Variants in ABCA1 observed in about 807,000 individuals in gnomAD.
The protein encoded by ABCA1 is ATP binding cassette subfamily A member 1, also known as phospholipid-transporting ATPase ABCA1.
In ABCA1, 133 loss-of-function variants were observed where a neutral mutation model predicts 262.5. That is an observed-to-expected ratio of 0.51 (90% CI 0.44 to 0.59). The LOEUF (loss-of-function observed/expected upper bound fraction) is 0.59. Ranked by LOEUF, ABCA1 falls within the 20% of genes least tolerant of loss-of-function variation. The pLI, the probability that ABCA1 is intolerant of heterozygous loss-of-function variation, is 0.00. For synonymous variants in ABCA1, 1,022 were observed against 1,043.5 expected (o/e 0.98, Z 0.40); for missense variants, 2,452 against 2,777.5 (o/e 0.88, Z 2.63).
intron 1 of ABCA1, among the ~76,000 whole-genome samples, chr9:104,909,607 TACACAC>T (rs59524252): frequency 0.044 from 5,925 of 133,982 alleles, 221 homozygotes; most frequent in African/African-American, 0.11. Flanking sequence ...GCAAAAGAAA[TACACAC>T]ACACACACAC....
chr9:104,787,069 T>G, intron 46 of ABCA1, 93 bp from the exon 47 acceptor site: 1 of 1,052,534 alleles, frequency 9.5e-7, no homozygotes. Flanking sequence ...TTGAAACAGC[T>G]TAAATTTTAA....
At chr9:104,895,543 T>A (rs1335155311) in intron 2 of ABCA1, among the ~76,000 whole-genome samples, 1 of 152,184 alleles carries the variant, frequency 6.6e-6, no homozygotes, top group Non-Finnish European at 1.5e-5. Context: ...CCGGCCCCGG[T>A]CGAGAACCAC....
chr9:104,847,643 A>C lies in ABCA1; in HGVS notation c.721-2074T>G, dbSNP rs556659184. On this transcript the variant is annotated intron_variant, in intron 7 of 49. Coordinates refer to ENST00000374736, the MANE Select transcript of ABCA1 (RefSeq NM_005502.4). ...CTTCCTCTGCTAGGCAGAGAGCTAG[A>C]GCTATCATCACACAGCATATCAGCC... Among the ~76,000 whole-genome samples the C allele has an allele frequency of 5.4e-4, 82 of 152,282 alleles. 1 individual carries two copies. The highest frequency in any genetic ancestry group is 1.8e-3 in the African/African-American group (76 of 41,548).
At chr9:104,891,384 AC>A (rs1172693250) in intron 2 of ABCA1, among the ~76,000 whole-genome samples, 1 of 151,600 alleles carries the variant, frequency 6.6e-6, no homozygotes, top group East Asian at 2.0e-4. Context: ...ACATGGTGAA[AC>A]CCCATCTCTA....
chr9:104,906,332 AC>A (rs757501530), intron 1 of ABCA1, among the ~76,000 whole-genome samples: 5 of 152,170 alleles, frequency 3.3e-5, no homozygotes, highest in African/African-American at 7.2e-5. Context: ...GGAAGAGAAG[AC>A]ACACCTCTAC....
intron 44 of ABCA1, 56 bp from the exon 45 acceptor site, chr9:104,788,623 G>C (rs1050721271): frequency 2.1e-5 from 34 of 1,592,226 alleles, no homozygotes; most frequent in Non-Finnish European, 2.7e-5. Context: ...ACTCTGGTTA[G>C]ACAATCTGGC....
rs371460659 is a variant in ABCA1 at position 104,814,442 on chromosome 9, C to A, written c.3772G>T (p.Asp1258Tyr). The change falls in exon 26 of 50, where the codon GAT becomes TAT. Residue 1258 changes from aspartate to tyrosine, a missense_variant. By Grantham distance (160) the Asp-to-Tyr change is radical (BLOSUM62 -3). This residue lies in a region of ABCA1 where 665 missense variants were observed against 727.3 expected (regional missense o/e 0.91). Coordinates refer to ENST00000374736, the MANE Select transcript of ABCA1 (RefSeq NM_005502.4). ...FLKVAEESGV[D>Y]AETSDGTLPA... Reference sequence around the variant, plus strand: ...AGGCAGTTACCTGAGGTCTCAGCATCCACCCCACTCTCTTCGGCCACCTTG... The same window carrying A: ...AGGCAGTTACCTGAGGTCTCAGCATACACCCCACTCTCTTCGGCCACCTTG... 2 of 1,614,066 alleles carry A rather than the reference C, an allele frequency of 1.2e-6. No individual in the cohort carries two copies. Among genetic ancestry groups the A allele is most frequent in the Non-Finnish European group, 1.7e-6 (2 of 1,180,046 alleles).
At position 104,827,349 on chromosome 9, in the gene ABCA1, C is replaced by T. The variant is rs4149308; in HGVS notation, c.2116-180G>A. 0.24 allele frequency among the ~76,000 whole-genome samples: 35,854 copies of T among 152,146 alleles called. 6,201 individuals are homozygous for T. The highest frequency in any genetic ancestry group is 0.69 in the East Asian group (3,570 of 5,182). ...TTACCATCCTAAAGAAGATAAGTGA[C>T]TTACCCAAAACTACGCAGAAAAATA... On this transcript the variant is annotated intron_variant, in intron 15 of 49. Transcript: ENST00000374736.
chr9:104,870,863 G>A (rs1195877497), intron 5 of ABCA1, among the ~76,000 whole-genome samples: 2 of 152,128 alleles, frequency 1.3e-5, no homozygotes, highest in Non-Finnish European at 2.9e-5. Context: ...GCAGGGGCAG[G>A]GGGTCACAAG....
intron 39 of ABCA1, 91 bp downstream of exon 39, chr9:104,795,962 C>A: frequency 1.3e-6 from 2 of 1,563,610 alleles, no homozygotes; most frequent in Non-Finnish European, 1.8e-6. Flanking sequence ...GTCAATACCA[C>A]TGACAAGTGG....
intron 5 of ABCA1, among the ~76,000 whole-genome samples, chr9:104,865,654 T>G (rs1837029321): frequency 6.6e-6 from 1 of 152,180 alleles, no homozygotes; most frequent in Admixed American, 6.5e-5. Context: ...GTGAAATAGC[T>G]GTGTGACTGT....
chr9:104,824,631 A>C, intron 17 of ABCA1, 53 bp from the exon 18 acceptor site: 1 of 1,597,840 alleles, frequency 6.3e-7, no homozygotes, highest in Non-Finnish European at 8.6e-7. Flanking sequence ...CAGTATTCTG[A>C]GGGTTTCCCA....
intron 5 of ABCA1, among the ~76,000 whole-genome samples, chr9:104,863,155 G>A (rs1836783267): frequency 1.3e-5 from 2 of 152,058 alleles, no homozygotes; most frequent in Non-Finnish European, 2.9e-5. Flanking sequence ...GGCTGTGTCT[G>A]GTGGCGTCCC....
intron 30 of ABCA1, 107 bp from the exon 31 acceptor site, chr9:104,806,537 C>A (rs1830783046): frequency 9.1e-7 from 1 of 1,095,420 alleles, no homozygotes; most frequent in Non-Finnish European, 1.4e-6. Context: ...TGCATCTATT[C>A]CCTCACCATT....
At position 104,804,609 on chromosome 9, in the gene ABCA1, G is replaced by A; in HGVS notation, c.4559+17C>T. 1 of 1,606,792 alleles carries A rather than the reference G, an allele frequency of 6.2e-7. No individual in the cohort carries two copies. The highest frequency in any genetic ancestry group is 8.5e-7 in the Non-Finnish European group (1 of 1,173,306). ...TTAGTAATAATACGGCAGGGGCCAA[G>A]TTTAGTAAAAAGTCACCTTTTGGCT... On this transcript the variant is annotated intron_variant, in intron 32 of 49. Coordinates refer to ENST00000374736, the MANE Select transcript of ABCA1 (RefSeq NM_005502.4).
At chr9:104,835,540 G>C (rs1448336658) in intron 11 of ABCA1, among the ~76,000 whole-genome samples, 2 of 152,056 alleles carry the variant, frequency 1.3e-5, no homozygotes, top group Non-Finnish European at 2.9e-5. Flanking sequence ...CTCCTCCCTG[G>C]TCTCTGCCTT....
Position 104,788,464 on chromosome 9 carries a change from C to A in ABCA1, c.6031G>T (p.Ala2011Ser). The A allele has an allele frequency of 6.2e-7, 1 of 1,614,172 alleles. No individual in the cohort carries two copies. Among genetic ancestry groups the A allele is most frequent in the South Asian group, 1.1e-5 (1 of 91,088 alleles). ...TTCTCTGGGACTCCTCTCAAAAGGGCAAAGAACTCCACGTGTTCTCTCCCA... is the reference window on the plus strand; with the variant it reads ...TTCTCTGGGACTCCTCTCAAAAGGGAAAAGAACTCCACGTGTTCTCTCCCA... ...LTGREHVEFF[A>S]LLRGVPEKEV... Residue 2011 changes from alanine (A) to serine (S), a missense_variant, in exon 45 of 50, where the codon GCC becomes TCC. Transcript: ENST00000374736.
rs10693809 is a variant in ABCA1 at position 104,888,058 on chromosome 9, G to GGTGTGTGTGT, written c.160+1034_160+1043dup. On this transcript the variant is annotated intron_variant, in intron 3 of 49. Transcript: ENST00000374736. ...ACGTCTCAGAAAATGTTTCTTGAGG[G>GGTGTGTGTGT]GTGTGTGTGTGTGTGTGTGTGTGTG... is the stretch of plus-strand genomic sequence containing the variant. Among the ~76,000 whole-genome samples the GGTGTGTGTGT allele has an allele frequency of 7.1e-3, 991 of 140,396 alleles. 8 individuals are homozygous for GGTGTGTGTGT. Among genetic ancestry groups the GGTGTGTGTGT allele is most frequent in the South Asian group, 0.011 (50 of 4,592 alleles). The allele number at this position is 140,396 out of a possible 152,430, so 92.1% of individuals were successfully genotyped here.
chr9:104,786,902 C>G lies in ABCA1; in HGVS notation c.6279G>C (p.Glu2093Asp), dbSNP rs765322620. 1.2e-6 allele frequency: 2 copies of G among 1,614,040 alleles called. No homozygotes were observed. Among genetic ancestry groups the G allele is most frequent in the Admixed American group, 1.7e-5 (1 of 60,018 alleles). Reference sequence around the variant, plus strand: ...GAGATGTAAGCACTACTGATCTCCCCTCCTTGACAACACTTAGGGCACAAT... The same window carrying G: ...GAGATGTAAGCACTACTGATCTCCCGTCCTTGACAACACTTAGGGCACAAT... ...LWNCALSVVK[E>D]GRSVVLTSHS... Residue 2093 changes from glutamate to aspartate, a missense_variant, in exon 47 of 50, where the codon GAG (glutamate) becomes GAC (aspartate). By Grantham distance (45) the Glu-to-Asp change is conservative. Around this residue, in one of 4 missense-constraint regions of ABCA1, gnomAD observed 752 missense variants for 944.5 expected, o/e 0.80. Transcript: ENST00000374736.
Sources: allele counts gnomAD v4.1 joint callset (sites outside exome capture counted in the v4.1 genomes callset), GRCh38; gene constraint gnomAD v4.1.1; regional missense constraint gnomAD v4.1.1; transcripts MANE v1.5; gene names NCBI Gene and HGNC (gene_info 2026-07-23, HGNC 2026-07-21).